The following PIWIL1 variants were observed in gnomAD, a reference collection of about 807,000 sequenced individuals.
The protein encoded by PIWIL1 is piwi like RNA-mediated gene silencing 1.
PIWIL1 carries 73 observed loss-of-function variants against 114.4 expected under a neutral mutation model. That is an observed-to-expected ratio of 0.64 (90% CI 0.53 to 0.78). PIWIL1 has a LOEUF of 0.78. PIWIL1 is among the 30% of genes least tolerant of loss of function. The pLI is 0.00. For missense variants in PIWIL1, 723 were observed against 1,063.1 expected (o/e 0.68, Z 4.45); for synonymous variants, 375 against 369.0 (o/e 1.02, Z -0.19).
intron 14 of PIWIL1, among the ~76,000 whole-genome samples, chr12:130,360,202 T>G (rs1312755368): frequency 6.6e-6 from 1 of 152,220 alleles, no homozygotes; most frequent in Non-Finnish European, 1.5e-5. Context: ...CATGTCACAC[T>G]TTAGATCCCA....
the PIWIL1 span, chr12:130,424,895 G>C: frequency 8.4e-7 from 1 of 1,183,668 alleles, no homozygotes. This position sits in a 1 kb window ranked among gnomAD's most constrained non-coding sequence, Gnocchi z 9.8. Context: ...GCGCGGGAAA[G>C]AGTGTGTGGT....
the PIWIL1 span, among the ~76,000 whole-genome samples, chr12:130,416,864 C>T: frequency 6.6e-6 from 1 of 151,910 alleles, no homozygotes; most frequent in East Asian, 1.9e-4. Context: ...CTTAAATCAA[C>T]AAGCAAAAAA....
intron 19 of PIWIL1, among the ~76,000 whole-genome samples, chr12:130,367,745 G>A (rs928442961): frequency 6.6e-6 from 1 of 152,216 alleles, no homozygotes; most frequent in Non-Finnish European, 1.5e-5. Flanking sequence ...GCGGGCACCG[G>A]CAGGCACAGG....
chr12:130,424,591 C>A, the PIWIL1 span: 1 of 1,231,958 alleles, frequency 8.1e-7, no homozygotes, highest in Non-Finnish European at 1.0e-6. The surrounding 1 kb of genome is among the most constrained non-coding windows in gnomAD (Gnocchi z 9.8). Context: ...ACGTGGGGGA[C>A]GGCCCCCGAG....
chr12:130,374,717 G>A (rs1409306591), downstream of PIWIL1, among the ~76,000 whole-genome samples: 1 of 152,138 alleles, frequency 6.6e-6, no homozygotes, highest in African/African-American at 2.4e-5. Context: ...CCAGTGGCAT[G>A]CCCCATCCCT....
At position 130,346,964 on chromosome 12, in the gene PIWIL1, C is replaced by T; in HGVS notation, c.555C>T (p.Thr185=). ...AGGTTACTGAAGTTTTTAGTAAGAC[C>T]CGGAATGGAGAGGATGTGAGGATAA... is the stretch of plus-strand genomic sequence containing the variant. ...QQKVTEVFSK[T]RNGEDVRITI... is the part of the protein sequence containing the mutation. Residue 185 remains threonine, a synonymous_variant, in exon 6 of 21, where the codon ACC becomes ACT. Coordinates refer to ENST00000245255, the MANE Select transcript of PIWIL1 (RefSeq NM_004764.5). 2 of 1,612,790 alleles carry T rather than the reference C, an allele frequency of 1.2e-6. No homozygotes were observed. Among genetic ancestry groups the T allele is most frequent in the Non-Finnish European group, 1.7e-6 (2 of 1,179,512 alleles).
chr12:130,390,801 C>G, the PIWIL1 span, among the ~76,000 whole-genome samples: 31,242 of 152,084 alleles, frequency 0.21, 3,934 homozygotes, highest in South Asian at 0.28. Flanking sequence ...TCCTCTCAAA[C>G]AGGTGAGGGC....
chr12:130,356,603 A>G (rs1020636255), intron 12 of PIWIL1, among the ~76,000 whole-genome samples: 2 of 152,220 alleles, frequency 1.3e-5, no homozygotes, highest in African/African-American at 4.8e-5. Context: ...TTATGAAGAA[A>G]GAGTAGCTAT....
intron 1 of PIWIL1, among the ~76,000 whole-genome samples, chr12:130,339,229 C>A (rs865962325): frequency 1.3e-5 from 2 of 152,028 alleles, no homozygotes; most frequent in African/African-American, 4.8e-5. Context: ...GCTGGCGGCC[C>A]GGCCCTTGGC....
At chr12:130,376,888 C>T (rs1460424870), downstream of PIWIL1, among the ~76,000 whole-genome samples, 1 of 152,186 alleles carries the variant, frequency 6.6e-6, no homozygotes, top group Non-Finnish European at 1.5e-5. Context: ...TTGTGTCATC[C>T]CAGCTGCTCA....
the PIWIL1 span, among the ~76,000 whole-genome samples, chr12:130,418,850 C>A: frequency 6.6e-6 from 1 of 152,152 alleles, no homozygotes; most frequent in African/African-American, 2.4e-5. Flanking sequence ...ATGGACCATG[C>A]AACTGGCCAC....
rs866584312 is a variant in PIWIL1, at chr12:130,342,781, G to A, written c.78+112G>A. 2.4e-6 allele frequency: 2 copies of A among 844,672 alleles called. 1 individual carries two copies. Among genetic ancestry groups the A allele is most frequent in the Middle Eastern group, 5.7e-4 (2 of 3,482 alleles). 52.3% of individuals were successfully genotyped at this position (844,672 alleles called of 1,614,324 possible). On this transcript the variant is annotated intron_variant, in intron 2 of 20. Transcript: ENST00000245255. ...GGGAAGGATATAGGAAGTGAGCAAGGGAGATCATGCCCTGTTTCCTCAGGA... is the reference window on the plus strand; with the variant it reads ...GGGAAGGATATAGGAAGTGAGCAAGAGAGATCATGCCCTGTTTCCTCAGGA...
At chr12:130,408,185 T>C in the PIWIL1 span, among the ~76,000 whole-genome samples, 1 of 152,194 alleles carries the variant, frequency 6.6e-6, no homozygotes, top group African/African-American at 2.4e-5. Context: ...TGGGAGGCCC[T>C]GCAGAGTGCA....
At chr12:130,380,374 A>G in the PIWIL1 span, among the ~76,000 whole-genome samples, 1 of 152,160 alleles carries the variant, frequency 6.6e-6, no homozygotes, top group Non-Finnish European at 1.5e-5. Context: ...TTTTACTACT[A>G]ATTTCAAACT....
chr12:130,412,359 C>T, the PIWIL1 span, among the ~76,000 whole-genome samples: 39 of 152,264 alleles, frequency 2.6e-4, no homozygotes, highest in South Asian at 6.8e-3. Flanking sequence ...GCAAGCAAGA[C>T]GGTACTTCAT....
chr12:130,355,172 C>T (rs905210228), intron 11 of PIWIL1, among the ~76,000 whole-genome samples, 167 bp downstream of exon 11: 1 of 152,182 alleles, frequency 6.6e-6, no homozygotes, highest in Non-Finnish European at 1.5e-5. Flanking sequence ...GCTACCTATA[C>T]CTCACTTATT....
At chr12:130,364,524 A>C (rs1019826436) in intron 18 of PIWIL1, among the ~76,000 whole-genome samples, 3 of 152,324 alleles carry the variant, frequency 2.0e-5, no homozygotes, top group Admixed American at 6.5e-5. Flanking sequence ...GAGTGTTTTT[A>C]TCTTTTTTGA....
intron 11 of PIWIL1, 25 bp from the exon 12 acceptor site, chr12:130,355,528 G>A (rs369232185): frequency 1.3e-5 from 19 of 1,474,136 alleles, no homozygotes; most frequent in East Asian, 4.5e-5. Flanking sequence ...TTGTTGAGTC[G>A]CATGTAAATG....
chr12:130,392,959 C>T, the PIWIL1 span, among the ~76,000 whole-genome samples: 1 of 100,220 alleles, frequency 1.0e-5, no homozygotes, highest in Non-Finnish European at 2.2e-5. Flanking sequence ...TTGTGATGAC[C>T]CAGTCACCGT....
Sources: allele counts gnomAD v4.1 joint callset (sites outside exome capture counted in the v4.1 genomes callset), GRCh38; gene constraint gnomAD v4.1.1; non-coding constraint Gnocchi (gnomAD v3.1); transcripts MANE v1.5; gene names NCBI Gene and HGNC (gene_info 2026-07-23, HGNC 2026-07-21).